SRGAP2: variants seen among roughly 807,000 people sequenced by gnomAD.
The protein encoded by SRGAP2 is SLIT-ROBO Rho GTPase activating protein 2, also known as SLIT-ROBO Rho GTPase-activating protein 2.
A neutral mutation model predicts 57.2 loss-of-function variants in SRGAP2; 15 were observed. That is an observed-to-expected ratio of 0.26 (90% CI 0.18 to 0.40). SRGAP2 has a LOEUF of 0.40. SRGAP2 is among the 10% of genes least tolerant of loss of function. SRGAP2 has a pLI of 1.00. For synonymous variants in SRGAP2, 249 were observed against 248.0 expected (o/e 1.00, Z -0.04); for missense variants, 520 against 669.6 (o/e 0.78, Z 2.47).
At chr1:206,257,734 CTATATATATACATA>C (rs1464454599) in intron 2 of SRGAP2, among the ~76,000 whole-genome samples, 3 of 97,550 alleles carry the variant, frequency 3.1e-5, no homozygotes, top group East Asian at 5.7e-4. Context: ...GGAAAGCAGA[CTATATATATACATA>C]TATATATACT....
At chr1:206,328,362 A>G (rs1312607405) in intron 3 of SRGAP2, among the ~76,000 whole-genome samples, 16 of 104,080 alleles carry the variant, frequency 1.5e-4, no homozygotes, top group African/African-American at 7.4e-4. Flanking sequence ...TTCTAGTTCT[A>G]GATCCCTGAG....
rs576299895 is a variant in SRGAP2 at position 206,461,259 on chromosome 1, G to A, written c.3055G>A (p.Ala1019Thr). The A allele has an allele frequency of 9.3e-5, 73 of 780,866 alleles. 1 individual carries two copies. Among genetic ancestry groups the A allele is most frequent in the South Asian group, 8.6e-4 (64 of 74,630 alleles). The allele number at this position is 780,866 out of a possible 1,614,324, so 48.4% of individuals were successfully genotyped here. A position where few individuals can be genotyped will look rare whatever the true frequency, so the allele number is the denominator to read the frequency against. Residue 1019 changes from alanine (A) to threonine (T), a missense_variant, in exon 23 of 23, where the codon GCC becomes ACC. Physicochemically the swap from Ala to Thr is moderately conservative, Grantham distance 58. This residue lies in a region of SRGAP2 where 478 missense variants were observed against 373.6 expected (regional missense o/e 1.28). Transcript: ENST00000573034. ...QRSASTAGDIACAFRPVKSVK... is the reference protein window; with the variant it reads ...QRSASTAGDITCAFRPVKSVK... ...CAGCGCCAGTACTGCTGGGGACATC[G>A]CCTGCGCCTTCCGGCCTGTCAAGTC...
chr1:206,450,834 T>G (rs782223323), intron 19 of SRGAP2, among the ~76,000 whole-genome samples: 9 of 151,728 alleles, frequency 5.9e-5, no homozygotes, highest in Non-Finnish European at 1.2e-4. Flanking sequence ...CAGTAAGCAA[T>G]TGGGTGTGGT....
At chr1:206,428,848 C>G (rs1661040413) in intron 13 of SRGAP2, among the ~76,000 whole-genome samples, 2 of 152,048 alleles carry the variant, frequency 1.3e-5, no homozygotes, top group South Asian at 4.1e-4. Context: ...GAGACAGAGT[C>G]TGTTGCCCAG....
At position 206,241,087 on chromosome 1, in the gene SRGAP2, G is replaced by A. The variant is rs1571650841; in HGVS notation, c.67+35050G>A. ...TGGTCCCAGCTACTTGGGAGGCTGA[G>A]GCAGGAGGATCACCTAAGCCCGGAA... On this transcript the variant is annotated intron_variant, in intron 2 of 22. Transcript: ENST00000573034. Among the ~76,000 whole-genome samples the A allele has an allele frequency of 3.3e-5, 5 of 152,314 alleles. No homozygotes were observed. In the South Asian group the frequency reaches 1.0e-3, roughly 32 times the overall value.
intron 4 of SRGAP2, among the ~76,000 whole-genome samples, chr1:206,363,419 G>A (rs1677053928): frequency 6.6e-6 from 1 of 151,804 alleles, no homozygotes; most frequent in Non-Finnish European, 1.5e-5. Flanking sequence ...AATATTTGGG[G>A]GCGAGATTTT....
At chr1:206,459,081 T>C (rs1553379651) in intron 22 of SRGAP2, 134 bp downstream of exon 22, 1 of 609,184 alleles carries the variant, frequency 1.6e-6, no homozygotes, top group Non-Finnish European at 3.0e-6. Flanking sequence ...ATGTCCACTC[T>C]GGACATGTGG....
intron 3 of SRGAP2, among the ~76,000 whole-genome samples, chr1:206,311,231 T>G (rs1672615833): frequency 6.6e-6 from 1 of 151,994 alleles, no homozygotes; most frequent in Admixed American, 6.6e-5. Context: ...TTTCTCTAAA[T>G]ATAGAAGAAG....
At chr1:206,290,975 A>G (rs1223178503) in intron 2 of SRGAP2, among the ~76,000 whole-genome samples, 9 of 149,576 alleles carry the variant, frequency 6.0e-5, no homozygotes, top group Non-Finnish European at 1.0e-4. Context: ...TCAAGAAGAA[A>G]TGGTAAAAAG....
chr1:206,461,877 A>G lies in SRGAP2; in HGVS notation c.*457A>G, dbSNP rs932436074. 1 of 156,106 alleles carries G rather than the reference A, an allele frequency of 6.4e-6. No individual in the cohort carries two copies. Among genetic ancestry groups the G allele is most frequent in the Non-Finnish European group, 1.4e-5 (1 of 71,818 alleles). The allele number at this position is 156,106 out of a possible 1,614,324, so 9.7% of individuals were successfully genotyped here. On this transcript the variant is annotated 3_prime_UTR_variant, in exon 23 of 23. Coordinates refer to ENST00000573034, the MANE Select transcript of SRGAP2 (RefSeq NM_015326.5). Reference sequence around the variant, plus strand: ...CAGTCTTCATTTTACATACACACACATATTTTACACACACACACATTTTAC... The same window carrying G: ...CAGTCTTCATTTTACATACACACACGTATTTTACACACACACACATTTTAC...
chr1:206,444,245 GA>G (rs1299004606), intron 17 of SRGAP2, among the ~76,000 whole-genome samples: 5 of 151,496 alleles, frequency 3.3e-5, no homozygotes, highest in African/African-American at 4.8e-5. Flanking sequence ...TATTGGAAAA[GA>G]AAAATGGATT....
Position 206,415,869 on chromosome 1 carries a change from TTCC to T in SRGAP2, c.1357-11_1357-9del. On this transcript the variant is annotated splice_polypyrimidine_tract_variant and intron_variant, in intron 10 of 22. Transcript: ENST00000573034. ...TTCTTCAGGAGTCTGATTGCTCTTT[TTCC>T]TCCTCCTCTCTTACAGAAAATGAAA... 1 of 773,994 alleles carries T rather than the reference TTCC, an allele frequency of 1.3e-6. No homozygotes were observed. The highest frequency in any genetic ancestry group is 2.4e-6 in the Non-Finnish European group (1 of 415,098). 47.9% of individuals were successfully genotyped at this position (773,994 alleles called of 1,614,324 possible). A position where few individuals can be genotyped will look rare whatever the true frequency, so the allele number is the denominator to read the frequency against.
At chr1:206,413,352 A>G (rs781795644) in intron 10 of SRGAP2, among the ~76,000 whole-genome samples, 5 of 152,202 alleles carry the variant, frequency 3.3e-5, no homozygotes, top group Non-Finnish European at 5.9e-5. Context: ...TACTGTTCCA[A>G]ACCCACAATT....
chr1:206,459,708 C>A (rs1664108506), intron 22 of SRGAP2, among the ~76,000 whole-genome samples: 1 of 152,232 alleles, frequency 6.6e-6, no homozygotes, highest in Non-Finnish European at 1.5e-5. Flanking sequence ...TTGTTGCCTT[C>A]TTATCTCAAC....
intron 3 of SRGAP2, among the ~76,000 whole-genome samples, chr1:206,306,791 T>C (rs1672234056): frequency 6.6e-6 from 1 of 152,212 alleles, no homozygotes; most frequent in Non-Finnish European, 1.5e-5. Context: ...AGAGTGTCGA[T>C]TGGTGCATTC....
intron 4 of SRGAP2, among the ~76,000 whole-genome samples, chr1:206,375,471 G>A (rs765869621): frequency 6.6e-5 from 10 of 152,094 alleles, no homozygotes; most frequent in Non-Finnish European, 1.5e-4. Context: ...GGTAAAAGAT[G>A]GAAATTTGCC....
chr1:206,427,557 T>TTGAGAGGTAGAGGCTAAG (rs1228141613), intron 13 of SRGAP2, among the ~76,000 whole-genome samples: 60 of 152,298 alleles, frequency 3.9e-4, no homozygotes, highest in African/African-American at 1.3e-3. Context: ...AGCTTTTCTC[T>TTGAGAGGTAGAGGCTAAG]CAGCCTGACT....
chr1:206,389,065 A>G (rs1464641657), intron 5 of SRGAP2, among the ~76,000 whole-genome samples: 2 of 151,684 alleles, frequency 1.3e-5, no homozygotes, highest in Non-Finnish European at 2.9e-5. Context: ...TGAACCTTGT[A>G]TCCCCTAGTC....
chr1:206,212,058 T>G (rs1164085700), intron 2 of SRGAP2, among the ~76,000 whole-genome samples: 4 of 152,354 alleles, frequency 2.6e-5, no homozygotes, highest in Non-Finnish European at 5.9e-5. Flanking sequence ...TTTAATTGTA[T>G]GTATGTACCC....
Sources: allele counts gnomAD v4.1 joint callset (sites outside exome capture counted in the v4.1 genomes callset), GRCh38; gene constraint gnomAD v4.1.1; regional missense constraint gnomAD v4.1.1; transcripts MANE v1.5; gene names NCBI Gene and HGNC (gene_info 2026-07-23, HGNC 2026-07-21).